CASR: variants seen among roughly 807,000 people sequenced by gnomAD.
CASR encodes extracellular calcium-sensing receptor.
A neutral mutation model predicts 69.1 loss-of-function variants in CASR; 23 were observed. That is an observed-to-expected ratio of 0.33 (90% confidence interval 0.24 to 0.47). The LOEUF (loss-of-function observed/expected upper bound fraction) is 0.47, where lower values mean the gene tolerates loss of function less well. Ranked by LOEUF, CASR falls within the 20% of genes least tolerant of loss-of-function variation. CASR has a pLI of 1.00. For missense variants in CASR, 924 were observed against 1,356.1 expected (o/e 0.68, Z 5.00); for synonymous variants, 541 against 544.7 (o/e 0.99, Z 0.10).
chr3:122,251,959 G>C (rs2074488368), intron 1 of CASR, among the ~76,000 whole-genome samples: 1 of 152,222 alleles, frequency 6.6e-6, no homozygotes, highest in African/African-American at 2.4e-5. Flanking sequence ...AACTGGAGAT[G>C]AGAATGCCAG....
intron 2 of CASR, among the ~76,000 whole-genome samples, chr3:122,254,727 A>G (rs2074536878): frequency 6.6e-6 from 1 of 152,154 alleles, no homozygotes; most frequent in Non-Finnish European, 1.5e-5. Context: ...CTGAGTAGTA[A>G]AATCCCCCAT....
Position 122,252,448 on chromosome 3 carries a change from A to AGAAAG in CASR, c.-242-1500_-242-1499insGAAAG, listed in dbSNP as rs1288515427. Among the ~76,000 whole-genome samples, 178 of 95,932 alleles carry AGAAAG rather than the reference A, an allele frequency of 1.9e-3. 9 individuals carry two copies. Among genetic ancestry groups the AGAAAG allele is most frequent in the Middle Eastern group, 4.4e-3 (1 of 226 alleles). The allele number at this position is 95,932 out of a possible 152,430, so 62.9% of individuals were successfully genotyped here. On this transcript the variant is annotated intron_variant, in intron 1 of 6. Coordinates refer to ENST00000639785, the MANE Select transcript of CASR (RefSeq NM_000388.4). ...AAGAAAGAAAGAAAGAAAGAAAGAA[A>AGAAAG]AAAAAGAAAAGAAAGAAAAGAAAAG...
intron 1 of CASR, among the ~76,000 whole-genome samples, chr3:122,200,554 A>C (rs1576817452): frequency 6.6e-6 from 1 of 152,198 alleles, no homozygotes; most frequent in African/African-American, 2.4e-5. Flanking sequence ...ATCCATGTTA[A>C]TGACTATCAC....
chr3:122,189,248 G>C (rs1221277179), intron 1 of CASR, among the ~76,000 whole-genome samples: 1 of 152,176 alleles, frequency 6.6e-6, no homozygotes, highest in African/African-American at 2.4e-5. Context: ...TTTAGTGGTG[G>C]ACCTTCCTTT....
At chr3:122,223,838 C>T (rs2074197108) in intron 1 of CASR, among the ~76,000 whole-genome samples, 1 of 139,550 alleles carries the variant, frequency 7.2e-6, no homozygotes, top group Admixed American at 7.9e-5. Context: ...AAAGTTAACC[C>T]ACCACAATCA....
At chr3:122,228,588 T>C (rs757678696) in intron 1 of CASR, among the ~76,000 whole-genome samples, 6 of 152,196 alleles carry the variant, frequency 3.9e-5, no homozygotes, top group Non-Finnish European at 8.8e-5. Flanking sequence ...TGGCTGGAAT[T>C]AGGAGCCTAA....
intron 1 of CASR, among the ~76,000 whole-genome samples, chr3:122,234,930 A>G (rs753034469): frequency 3.3e-5 from 5 of 152,248 alleles, no homozygotes; most frequent in Non-Finnish European, 7.3e-5. Context: ...GGCAAAGCCG[A>G]AGAAGGCAGA....
chr3:122,241,109 A>G (rs1366690528), intron 1 of CASR, among the ~76,000 whole-genome samples: 1 of 152,068 alleles, frequency 6.6e-6, no homozygotes, highest in Non-Finnish European at 1.5e-5. Context: ...TAACCTAATG[A>G]TGCATCTTAA....
intron 1 of CASR, among the ~76,000 whole-genome samples, chr3:122,252,501 AAGAG>A (rs753649318): frequency 8.1e-5 from 6 of 74,490 alleles, no homozygotes; most frequent in East Asian, 3.0e-4. Context: ...AAGGAAGGGA[AAGAG>A]AGAGAGAGAA....
At chr3:122,260,295 T>A (rs976349326) in intron 3 of CASR, among the ~76,000 whole-genome samples, 1 of 152,210 alleles carries the variant, frequency 6.6e-6, no homozygotes, top group South Asian at 2.1e-4. Context: ...ATGCTTTACA[T>A]GGTATTTGGC....
intron 2 of CASR, among the ~76,000 whole-genome samples, chr3:122,254,703 C>T (rs2107625394): frequency 6.6e-6 from 1 of 152,314 alleles, no homozygotes; most frequent in East Asian, 1.9e-4. Flanking sequence ...AAATTTATTG[C>T]AGGTCTTGCA....
At chr3:122,213,437 C>A (rs2074087484) in intron 1 of CASR, among the ~76,000 whole-genome samples, 2 of 152,174 alleles carry the variant, frequency 1.3e-5, no homozygotes, top group African/African-American at 2.4e-5. Flanking sequence ...GTTCTCCAGG[C>A]AAACTCTCAG....
intron 1 of CASR, among the ~76,000 whole-genome samples, chr3:122,212,872 C>T (rs1366132592): frequency 1.3e-5 from 2 of 152,090 alleles, no homozygotes; most frequent in East Asian, 1.9e-4. Flanking sequence ...AAACTCCTGA[C>T]CTCAGGTGAT....
intron 1 of CASR, among the ~76,000 whole-genome samples, chr3:122,206,676 A>C (rs1394108395): frequency 1.3e-5 from 2 of 151,926 alleles, no homozygotes; most frequent in Non-Finnish European, 2.9e-5. Context: ...TAAACATTTG[A>C]TGGAATTCAT....
chr3:122,227,606 G>T (rs1190736607), intron 1 of CASR, among the ~76,000 whole-genome samples: 1 of 152,188 alleles, frequency 6.6e-6, no homozygotes, highest in Non-Finnish European at 1.5e-5. Flanking sequence ...GCCTTGGCCA[G>T]CCCAGAAAGG....
At chr3:122,232,384 T>C (rs909768906) in intron 1 of CASR, among the ~76,000 whole-genome samples, 10 of 152,062 alleles carry the variant, frequency 6.6e-5, no homozygotes, top group African/African-American at 2.4e-4. Context: ...TGAGAAGTGG[T>C]GTTTGAGCCA....
At chr3:122,260,628 A>G (rs1017761733) in intron 3 of CASR, among the ~76,000 whole-genome samples, 4 of 152,150 alleles carry the variant, frequency 2.6e-5, no homozygotes, top group African/African-American at 4.8e-5. Context: ...AACATGGCAC[A>G]TGTATACATA....
At chr3:122,207,341 C>A (rs2074017513) in intron 1 of CASR, among the ~76,000 whole-genome samples, 1 of 152,072 alleles carries the variant, frequency 6.6e-6, no homozygotes, top group African/African-American at 2.4e-5. Context: ...ATTTATAGAA[C>A]ATTTCACCCA....
rs1305304816 is a variant in CASR, at chr3:122,282,288, C to T, written c.1732+52C>T. ...GCAGGGCTTGGTCCACTTCGGAGGC[C>T]TGGGGTCAGTGAAGCCCATGGAAGG... On this transcript the variant is annotated intron_variant, in intron 6 of 6. Coordinates refer to ENST00000639785, the MANE Select transcript of CASR (RefSeq NM_000388.4). The T allele has an allele frequency of 5.7e-6, 9 of 1,590,654 alleles. No individual in the cohort carries two copies. In the African/African-American group the frequency reaches 1.2e-4, roughly 21 times the overall value.
Sources: allele counts gnomAD v4.1 joint callset (sites outside exome capture counted in the v4.1 genomes callset), GRCh38; gene constraint gnomAD v4.1.1; transcripts MANE v1.5; gene names NCBI Gene and HGNC (gene_info 2026-07-23, HGNC 2026-07-21).